MED1: variants seen among roughly 807,000 people sequenced by gnomAD.
MED1 encodes the protein mediator of RNA polymerase II transcription subunit 1.
In MED1, 17 loss-of-function variants were observed where a neutral mutation model predicts 121.3. That is an observed-to-expected ratio of 0.14 (90% confidence interval 0.10 to 0.21). MED1 has a LOEUF of 0.21. MED1 is among the 10% of genes least tolerant of loss of function. MED1 has a pLI of 1.00. For synonymous variants in MED1, 661 were observed against 694.4 expected (o/e 0.95, Z 0.76); for missense variants, 1,558 against 1,919.4 (o/e 0.81, Z 3.52).
Position 39,440,025 on chromosome 17 carries a change from A to G in MED1, c.399+361T>C, listed in dbSNP as rs542819493. On this transcript the variant is annotated intron_variant, in intron 5 of 16. Transcript: ENST00000300651. The surrounding 1 kb of genome is among the most constrained non-coding windows in gnomAD (Gnocchi z 4.1). ...AGGAAGGAAGGAAGGAAGGAAAGAA[A>G]GAAAGAAAGAGAGAAAGAGAAAGAA... 1.6e-3 allele frequency among the ~76,000 whole-genome samples: 237 copies of G among 143,766 alleles called. 3 individuals are homozygous for G. Among genetic ancestry groups the G allele is most frequent in the Non-Finnish European group, 1.2e-3 (76 of 63,994 alleles). The allele number at this position is 143,766 out of a possible 152,430, so 94.3% of individuals were successfully genotyped here. A position where few individuals can be genotyped will look rare whatever the true frequency, so the allele number is the denominator to read the frequency against.
At chr17:39,437,795 G>A (rs773661625) in intron 6 of MED1, among the ~76,000 whole-genome samples, 4 of 151,860 alleles carry the variant, frequency 2.6e-5, no homozygotes, top group East Asian at 1.9e-4. Flanking sequence ...TTAGCAGGGC[G>A]TGGTAGCACA....
intron 8 of MED1, 141 bp downstream of exon 8, chr17:39,431,801 G>T (rs1307986288): frequency 5.1e-6 from 3 of 589,452 alleles, no homozygotes; most frequent in Non-Finnish European, 8.8e-6. Context: ...CTGATACTCA[G>T]AAGTTCAAAT....
At chr17:39,423,157 G>A (rs563016638) in intron 13 of MED1, among the ~76,000 whole-genome samples, 170 bp downstream of exon 13, 6 of 152,126 alleles carry the variant, frequency 3.9e-5, no homozygotes, top group Admixed American at 2.0e-4. Context: ...GAGCCACCGC[G>A]CCCAGCCCAT....
intron 6 of MED1, among the ~76,000 whole-genome samples, chr17:39,435,070 A>C (rs1243181899): frequency 6.6e-6 from 1 of 152,148 alleles, no homozygotes; most frequent in Non-Finnish European, 1.5e-5. Context: ...CAGGAGGCTG[A>C]GGCAGGAGAA....
chr17:39,431,062 A>T, intron 9 of MED1, 53 bp downstream of exon 9: 7 of 1,384,008 alleles, frequency 5.1e-6, no homozygotes, highest in African/African-American at 1.4e-5. Context: ...AAAAGTAATG[A>T]CCCTCAACTT....
intron 13 of MED1, among the ~76,000 whole-genome samples, chr17:39,422,462 C>G (rs1351083136): frequency 6.8e-6 from 1 of 147,542 alleles, no homozygotes; most frequent in Non-Finnish European, 1.5e-5. Flanking sequence ...ACACCACGCC[C>G]AGCCTCGTTT....
At chr17:39,428,809 A>T (rs1555543118) in intron 9 of MED1, among the ~76,000 whole-genome samples, 1 of 150,294 alleles carries the variant, frequency 6.7e-6, no homozygotes, top group African/African-American at 2.5e-5. Flanking sequence ...AAAATTAGCC[A>T]GGCATGGTGG....
chr17:39,409,064 G>T lies in MED1; in HGVS notation c.3157C>A (p.Pro1053Thr). The T allele has an allele frequency of 1.2e-6, 2 of 1,614,102 alleles. No homozygotes were observed. The highest frequency in any genetic ancestry group is 1.1e-5 in the South Asian group (1 of 91,074). ...GGAATGGGTGGTGTGGCAACACCTG[G>T]GGGAGTCTGAGATCTTCCTGCACTG... is the stretch of plus-strand genomic sequence containing the variant. ...PGSAGRSQTP[P>T]GVATPPIPKI... The change falls in exon 17 of 17, where the codon CCA becomes ACA. Residue 1053 changes from proline to threonine, a missense_variant. Physicochemically the swap from Pro to Thr is conservative, Grantham distance 38. This residue lies in a region of MED1 where 793 missense variants were observed against 898.2 expected (regional missense o/e 0.88). Coordinates refer to ENST00000300651, the MANE Select transcript of MED1 (RefSeq NM_004774.4).
rs2048398957 is a variant in MED1 at position 39,415,355 on chromosome 17, A to G, written c.1298-16T>C. 6.3e-7 allele frequency: 1 copy of G among 1,588,958 alleles called. No homozygotes were observed. Among genetic ancestry groups the G allele is most frequent in the Admixed American group, 1.7e-5 (1 of 58,902 alleles). On this transcript the variant is annotated splice_polypyrimidine_tract_variant and intron_variant, in intron 14 of 16. Transcript: ENST00000300651. ...CCAGGAGAATCTAAAAGGCAAAGAGAAAGATCATAAAACAACCAAATATAA... is the reference window on the plus strand; with the variant it reads ...CCAGGAGAATCTAAAAGGCAAAGAGGAAGATCATAAAACAACCAAATATAA...
chr17:39,432,342 C>CAA (rs36069735), intron 7 of MED1, among the ~76,000 whole-genome samples: 61,520 of 80,642 alleles, frequency 0.76, 23,313 homozygotes, highest in South Asian at 0.88. Flanking sequence ...GATTCCATCT[C>CAA]AAAAAAAAAA....
chr17:39,432,342 C>CAAAAA (rs36069735), intron 7 of MED1, among the ~76,000 whole-genome samples: 2 of 81,006 alleles, frequency 2.5e-5, no homozygotes, highest in Non-Finnish European at 2.2e-5. Flanking sequence ...GATTCCATCT[C>CAAAAA]AAAAAAAAAA....
Position 39,409,505 on chromosome 17 carries a change from A to G in MED1, c.2716T>C (p.Leu906=), listed in dbSNP as rs563780604. 1 of 1,614,110 alleles carries G rather than the reference A, an allele frequency of 6.2e-7. No homozygotes were observed. ...TCACCTCCAAGCATTGGCACCCCCA[A>G]AGTATTTAGTGCCTGAGATGCAAAT... ...KGFASQALNT[L]GVPMLGGDNG... The change falls in exon 17 of 17, where the codon TTG becomes CTG. Residue 906 remains leucine, a synonymous_variant. Coordinates refer to ENST00000300651, the MANE Select transcript of MED1 (RefSeq NM_004774.4).
At chr17:39,421,831 T>G (rs2048467650) in intron 13 of MED1, among the ~76,000 whole-genome samples, 1 of 151,382 alleles carries the variant, frequency 6.6e-6, no homozygotes, top group African/African-American at 2.4e-5. Context: ...AAAATACCAT[T>G]AAGAGTCTGT....
At chr17:39,449,108 C>T (rs1179528464) in intron 1 of MED1, among the ~76,000 whole-genome samples, 2 of 151,848 alleles carry the variant, frequency 1.3e-5, no homozygotes, top group African/African-American at 4.8e-5. Context: ...CAATCAAGGC[C>T]TATTGCAGCC....
intron 16 of MED1, 81 bp downstream of exon 16, chr17:39,414,945 G>C: frequency 2.4e-6 from 3 of 1,252,180 alleles, no homozygotes; most frequent in Non-Finnish European, 3.5e-6. Flanking sequence ...GGGGATTACA[G>C]GCGTGAGCCA....
chr17:39,441,576 C>A (rs1320067562), intron 3 of MED1, among the ~76,000 whole-genome samples: 1 of 152,134 alleles, frequency 6.6e-6, no homozygotes, highest in African/African-American at 2.4e-5. Flanking sequence ...TCAAGACCAG[C>A]CTGACCAACG....
chr17:39,414,152 G>A (rs1020575461), intron 16 of MED1, among the ~76,000 whole-genome samples: 3 of 151,304 alleles, frequency 2.0e-5, no homozygotes, highest in African/African-American at 4.9e-5. Flanking sequence ...ACTTGAACCC[G>A]GGAGGCAGAG....
chr17:39,412,648 C>T (rs2048368263), intron 16 of MED1, among the ~76,000 whole-genome samples: 1 of 150,272 alleles, frequency 6.7e-6, no homozygotes, highest in Non-Finnish European at 1.5e-5. Context: ...AAGCAATTCT[C>T]TGCCTCAGCC....
intron 3 of MED1, among the ~76,000 whole-genome samples, chr17:39,441,188 G>A (rs1007220728): frequency 4.6e-5 from 7 of 152,248 alleles, no homozygotes; most frequent in African/African-American, 7.2e-5. Context: ...AAGACATTAC[G>A]TTTAGTGAAA....
Sources: allele counts gnomAD v4.1 joint callset (sites outside exome capture counted in the v4.1 genomes callset), GRCh38; gene constraint gnomAD v4.1.1; regional missense constraint gnomAD v4.1.1; non-coding constraint Gnocchi (gnomAD v3.1); transcripts MANE v1.5; gene names NCBI Gene and HGNC (gene_info 2026-07-23, HGNC 2026-07-21).